PXDN: variants seen among roughly 807,000 people sequenced by gnomAD.
The protein encoded by PXDN is peroxidasin.
A neutral mutation model predicts 140.3 loss-of-function variants in PXDN; 77 were observed. That is an observed-to-expected ratio of 0.55 (90% CI 0.46 to 0.66). PXDN has a LOEUF of 0.66. Ranked by LOEUF, PXDN falls within the 30% of genes least tolerant of loss-of-function variation. PXDN has a pLI of 0.00. For synonymous variants in PXDN, 911 were observed against 857.4 expected (o/e 1.06, Z -1.09); for missense variants, 1,838 against 2,039.5 (o/e 0.90, Z 1.90).
At chr2:1,679,882 G>A (rs1219291246) in intron 7 of PXDN, among the ~76,000 whole-genome samples, 11 of 149,452 alleles carry the variant, frequency 7.4e-5, no homozygotes, top group African/African-American at 2.3e-4. Flanking sequence ...CTGCATGTGT[G>A]TGTCTATAAA....
chr2:1,677,474 G>A (rs1226950962), intron 7 of PXDN, among the ~76,000 whole-genome samples: 4 of 152,214 alleles, frequency 2.6e-5, no homozygotes, highest in Non-Finnish European at 2.9e-5. Context: ...ACAGGCAGGT[G>A]GCAGACACCA....
At chr2:1,690,057 T>A (rs555180872) in intron 3 of PXDN, among the ~76,000 whole-genome samples, 1 of 152,198 alleles carries the variant, frequency 6.6e-6, no homozygotes, top group African/African-American at 2.4e-5. Context: ...GCATATAGGT[T>A]GTACACAGGT....
At chr2:1,719,899 AGAGAGAGAGG>A (rs1245264577) in intron 1 of PXDN, among the ~76,000 whole-genome samples, 1 of 119,066 alleles carries the variant, frequency 8.4e-6, no homozygotes, top group Non-Finnish European at 1.7e-5. Context: ...AGGGAGATTC[AGAGAGAGAGG>A]GAGGGAGGGA....
intron 13 of PXDN, 65 bp downstream of exon 13, chr2:1,662,007 G>T: frequency 7.1e-7 from 1 of 1,401,188 alleles, no homozygotes; most frequent in African/African-American, 1.4e-5. Flanking sequence ...GTAGTGGGTG[G>T]TGTGGGTGCC....
intron 4 of PXDN, among the ~76,000 whole-genome samples, chr2:1,686,544 C>G: frequency 6.6e-6 from 1 of 152,144 alleles, no homozygotes; most frequent in African/African-American, 2.4e-5. Flanking sequence ...TTGCTCGCCC[C>G]CACTGAGTGA....
Position 1,692,016 on chromosome 2 carries a change from A to C in PXDN, c.273-17T>G. The C allele has an allele frequency of 6.7e-7, 1 of 1,482,606 alleles. No individual in the cohort carries two copies. The highest frequency in any genetic ancestry group is 9.1e-7 in the Non-Finnish European group (1 of 1,099,308). 91.8% of individuals were successfully genotyped at this position (1,482,606 alleles called of 1,614,324 possible). On this transcript the variant is annotated splice_polypyrimidine_tract_variant and intron_variant, in intron 2 of 22. Transcript: ENST00000252804. ...TTGAGAAGCCTATGAAAGAGAGTCG[A>C]TAAGAATTTTAAAAAACAACAGAAA...
chr2:1,683,930 G>T, intron 5 of PXDN, 150 bp downstream of exon 5: 1 of 908,176 alleles, frequency 1.1e-6, no homozygotes, highest in Non-Finnish European at 1.7e-6. Flanking sequence ...AAAATTATAA[G>T]TCCTATTTCC....
intron 15 of PXDN, 153 bp from the exon 16 acceptor site, chr2:1,653,938 C>T: frequency 2.2e-6 from 2 of 900,686 alleles, no homozygotes; most frequent in Non-Finnish European, 1.6e-6. Flanking sequence ...AAGTGGGAGG[C>T]AACAAAACAA....
intron 19 of PXDN, among the ~76,000 whole-genome samples, chr2:1,640,962 C>G (rs948254512): frequency 2.6e-5 from 4 of 152,184 alleles, no homozygotes; most frequent in African/African-American, 9.7e-5. Flanking sequence ...CCTCACACCC[C>G]AGGGCACGGC....
intron 12 of PXDN, among the ~76,000 whole-genome samples, chr2:1,663,384 T>C (rs1254161148): frequency 1.3e-5 from 2 of 152,176 alleles, no homozygotes; most frequent in Non-Finnish European, 2.9e-5. Context: ...CAACCATCAC[T>C]GAAAAATAAG....
intron 19 of PXDN, among the ~76,000 whole-genome samples, chr2:1,640,159 C>T (rs1043582140): frequency 6.6e-6 from 1 of 150,504 alleles, no homozygotes; most frequent in African/African-American, 2.5e-5. Context: ...GTGCCGTGTC[C>T]CTCCTGGTCC....
At chr2:1,709,116 T>G (rs1222992516) in intron 1 of PXDN, among the ~76,000 whole-genome samples, 1 of 152,182 alleles carries the variant, frequency 6.6e-6, no homozygotes, top group Non-Finnish European at 1.5e-5. Context: ...CCCGTGGAAC[T>G]GCAAAGAATA....
chr2:1,695,038 C>A (rs1684269679), intron 1 of PXDN, among the ~76,000 whole-genome samples: 1 of 152,214 alleles, frequency 6.6e-6, no homozygotes, highest in Non-Finnish European at 1.5e-5. Flanking sequence ...AACCAAGCTG[C>A]TCCTCCAGAG....
At chr2:1,702,449 C>T (rs746894431) in intron 1 of PXDN, among the ~76,000 whole-genome samples, 4 of 152,230 alleles carry the variant, frequency 2.6e-5, no homozygotes, top group Non-Finnish European at 5.9e-5. Flanking sequence ...CTGACTCTCC[C>T]ACATGTCACA....
chr2:1,673,118 G>C (rs926800263), intron 9 of PXDN, among the ~76,000 whole-genome samples: 1 of 152,252 alleles, frequency 6.6e-6, no homozygotes, highest in African/African-American at 2.4e-5. Flanking sequence ...ATGGGGCCCA[G>C]ATGGATGAGA....
At chr2:1,653,252 C>T (rs1683054889) in intron 16 of PXDN, 1 of 344,138 alleles carries the variant, frequency 2.9e-6, no homozygotes, top group Non-Finnish European at 5.7e-6. Context: ...CACCGCATTC[C>T]CAGGACACAA....
At chr2:1,700,271 A>T (rs1432846002) in intron 1 of PXDN, among the ~76,000 whole-genome samples, 1 of 152,104 alleles carries the variant, frequency 6.6e-6, no homozygotes, top group African/African-American at 2.4e-5. Flanking sequence ...CTTGTTGGCC[A>T]GGCTGGTCTC....
chr2:1,646,271 C>T (rs1682848986), intron 17 of PXDN: 1 of 152,216 alleles, frequency 6.6e-6, no homozygotes, highest in Admixed American at 6.5e-5. Flanking sequence ...ACATCCTTAA[C>T]TTCTTTACCA....
At chr2:1,680,075 G>T in intron 7 of PXDN, 118 bp downstream of exon 7, 1 of 1,262,408 alleles carries the variant, frequency 7.9e-7, no homozygotes, top group Non-Finnish European at 1.1e-6. Context: ...TAAATGGTGT[G>T]TGTGTAAATG....
Sources: allele counts gnomAD v4.1 joint callset (sites outside exome capture counted in the v4.1 genomes callset), GRCh38; gene constraint gnomAD v4.1.1; transcripts MANE v1.5; gene names NCBI Gene and HGNC (gene_info 2026-07-23, HGNC 2026-07-21).